The following MYRIP variants were observed in gnomAD, a reference collection of about 807,000 sequenced individuals.
The protein encoded by MYRIP is rab effector MyRIP.
Under a neutral mutation model 98.0 loss-of-function variants are expected in MYRIP, and 49 were observed. That is an observed-to-expected ratio of 0.50 (90% CI 0.40 to 0.63). MYRIP has a LOEUF of 0.63. Among genes scored for constraint, MYRIP ranks in the 30% least tolerant of loss-of-function variants. The probability of loss-of-function intolerance (pLI) is 0.00; values close to 1 mark genes in which losing one functional copy is unlikely to be tolerated. For missense variants in MYRIP, 1,004 were observed against 1,058.2 expected (o/e 0.95, Z 0.71); for synonymous variants, 404 against 409.5 (o/e 0.99, Z 0.16).
At chr3:40,228,300 A>T (rs1435724954) in intron 11 of MYRIP, among the ~76,000 whole-genome samples, 3 of 152,238 alleles carry the variant, frequency 2.0e-5, no homozygotes, top group East Asian at 1.9e-4. Flanking sequence ...AAACATATTT[A>T]AAAATAATAT....
At chr3:39,837,757 C>G (rs1375905649) in intron 1 of MYRIP, among the ~76,000 whole-genome samples, 1 of 152,066 alleles carries the variant, frequency 6.6e-6, no homozygotes, top group Non-Finnish European at 1.5e-5. Context: ...ATGAAGAAAG[C>G]CAATGGTAGC....
At chr3:40,131,232 G>A (rs951831905) in intron 3 of MYRIP, among the ~76,000 whole-genome samples, 1 of 152,172 alleles carries the variant, frequency 6.6e-6, no homozygotes, top group African/African-American at 2.4e-5. Flanking sequence ...CTCCATATAA[G>A]CAAAGCTTGG....
chr3:39,861,555 C>G (rs1354119009), intron 1 of MYRIP, among the ~76,000 whole-genome samples: 1 of 151,938 alleles, frequency 6.6e-6, no homozygotes, highest in Non-Finnish European at 1.5e-5. Context: ...TATCAAGATT[C>G]AGGAGAAAGT....
chr3:40,219,486 T>G (rs1236390271), intron 11 of MYRIP, among the ~76,000 whole-genome samples: 2 of 146,956 alleles, frequency 1.4e-5, no homozygotes, highest in East Asian at 2.2e-4. Context: ...CCCTCCCCCA[T>G]CCCCCACCCC....
intron 1 of MYRIP, among the ~76,000 whole-genome samples, chr3:39,885,371 T>C (rs1222036660): frequency 1.3e-5 from 2 of 152,124 alleles, no homozygotes; most frequent in Non-Finnish European, 2.9e-5. Flanking sequence ...GATCCGCTGT[T>C]AGTCTGATGG....
intron 2 of MYRIP, among the ~76,000 whole-genome samples, chr3:39,911,685 A>C (rs1264230812): frequency 2.0e-5 from 3 of 152,218 alleles, no homozygotes; most frequent in African/African-American, 7.2e-5. Context: ...GAATGTACAA[A>C]ATCCTTTAGC....
intron 1 of MYRIP, among the ~76,000 whole-genome samples, chr3:39,842,822 A>G (rs759165692): frequency 1.3e-5 from 2 of 152,074 alleles, no homozygotes; most frequent in Non-Finnish European, 2.9e-5. Flanking sequence ...GAGATGAACC[A>G]TGTACCTCAG....
intron 9 of MYRIP, among the ~76,000 whole-genome samples, chr3:40,188,033 G>A (rs1265963456): frequency 2.0e-5 from 3 of 152,142 alleles, no homozygotes; most frequent in Non-Finnish European, 2.9e-5. Context: ...AGGGACCAGC[G>A]TCCTCCTCGT....
intron 1 of MYRIP, among the ~76,000 whole-genome samples, chr3:39,860,785 C>G (rs1377093785): frequency 6.6e-6 from 1 of 152,226 alleles, no homozygotes; most frequent in African/African-American, 2.4e-5. Flanking sequence ...CATCAATTCA[C>G]TAGTGTATGC....
chr3:40,192,813 C>G (rs1951276511), intron 10 of MYRIP, among the ~76,000 whole-genome samples: 1 of 152,170 alleles, frequency 6.6e-6, no homozygotes, highest in African/African-American at 2.4e-5. Context: ...GAAAACAGGG[C>G]TTTTCTTGGG....
intron 3 of MYRIP, among the ~76,000 whole-genome samples, chr3:40,082,426 T>A (rs1378308661): frequency 6.6e-6 from 1 of 152,222 alleles, no homozygotes; most frequent in Non-Finnish European, 1.5e-5. Flanking sequence ...TACATTCAAT[T>A]GATCACATTC....
chr3:39,823,168 T>A (rs991595074), intron 1 of MYRIP, among the ~76,000 whole-genome samples: 2 of 151,932 alleles, frequency 1.3e-5, no homozygotes, highest in African/African-American at 4.8e-5. Flanking sequence ...TACAGGTGCC[T>A]GCCACCACGC....
chr3:39,904,593 A>G (rs2125674520), intron 2 of MYRIP, among the ~76,000 whole-genome samples: 1 of 152,184 alleles, frequency 6.6e-6, no homozygotes, highest in African/African-American at 2.4e-5. Context: ...ATTGTTACCC[A>G]TATGGAAGGG....
chr3:40,148,771 G>A (rs1289895305), intron 3 of MYRIP, among the ~76,000 whole-genome samples: 1 of 152,078 alleles, frequency 6.6e-6, no homozygotes, highest in Non-Finnish European at 1.5e-5. Flanking sequence ...CCATTGGATT[G>A]TTGCAAATGT....
At chr3:39,955,194 G>A (rs972027337) in intron 2 of MYRIP, among the ~76,000 whole-genome samples, 11 of 152,066 alleles carry the variant, frequency 7.2e-5, no homozygotes, top group East Asian at 3.9e-4. Context: ...GATACTCCTC[G>A]AGAAGAGCAA....
chr3:39,958,459 G>A (rs1456472754), intron 2 of MYRIP, among the ~76,000 whole-genome samples: 12 of 151,724 alleles, frequency 7.9e-5, no homozygotes, highest in African/African-American at 2.7e-4. Flanking sequence ...ATGGTGCTGG[G>A]AAAACTGGCT....
At chr3:40,036,549 A>G (rs2125824854) in intron 2 of MYRIP, among the ~76,000 whole-genome samples, 2 of 152,216 alleles carry the variant, frequency 1.3e-5, no homozygotes, top group South Asian at 4.1e-4. Context: ...AATTTAAAAT[A>G]GCAAGAGTTC....
chr3:39,891,907 G>GT (rs11405270), intron 1 of MYRIP, among the ~76,000 whole-genome samples: 48,445 of 150,532 alleles, frequency 0.32, 7,904 homozygotes, highest in Middle Eastern at 0.46. Context: ...TACCTTTTCT[G>GT]TTTTTTTTCT....
At chr3:40,127,552 G>T (rs561377482) in intron 3 of MYRIP, among the ~76,000 whole-genome samples, 1 of 152,340 alleles carries the variant, frequency 6.6e-6, no homozygotes, top group South Asian at 2.1e-4. Context: ...TATGAAATTA[G>T]TTATTAGGGT....
Sources: allele counts gnomAD v4.1 joint callset (sites outside exome capture counted in the v4.1 genomes callset), GRCh38; gene constraint gnomAD v4.1.1; transcripts MANE v1.5; gene names NCBI Gene and HGNC (gene_info 2026-07-23, HGNC 2026-07-21).